RFC3: variants seen among roughly 807,000 people sequenced by gnomAD.
RFC3 encodes the protein replication factor C subunit 3.
RFC3 carries 41 observed loss-of-function variants against 45.1 expected under a neutral mutation model. The ratio of observed to expected loss-of-function variants is 0.91; its 90% CI spans 0.71 to 1.18. The LOEUF (loss-of-function observed/expected upper bound fraction) is 1.18. Among genes scored for constraint, RFC3 ranks in the 50% most tolerant of loss-of-function variants. RFC3 has a pLI of 0.00. For missense variants in RFC3, 423 were observed against 428.1 expected (o/e 0.99, Z 0.10); for synonymous variants, 149 against 144.0 (o/e 1.03, Z -0.25).
intron 8 of RFC3, among the ~76,000 whole-genome samples, chr13:33,888,767 A>G (rs1219489137): frequency 1.4e-5 from 2 of 142,098 alleles, no homozygotes; most frequent in African/African-American, 5.3e-5. Flanking sequence ...TTTTTTTGAG[A>G]TGGAATCTTG....
intron 8 of RFC3, among the ~76,000 whole-genome samples, chr13:33,921,635 C>T (rs971395514): frequency 4.6e-5 from 7 of 152,014 alleles, no homozygotes; most frequent in African/African-American, 1.4e-4. Flanking sequence ...CACTGAGGGT[C>T]CCTGATGGTG....
chr13:33,969,277 C>A (rs2083100877), downstream of RFC3, among the ~76,000 whole-genome samples: 1 of 152,146 alleles, frequency 6.6e-6, no homozygotes, highest in Non-Finnish European at 1.5e-5. Flanking sequence ...AAAGCTAAAG[C>A]AATTAGTTCA....
At chr13:33,959,173 T>G (rs1045386888) in intron 8 of RFC3, among the ~76,000 whole-genome samples, 121 of 152,296 alleles carry the variant, frequency 7.9e-4, no homozygotes, top group African/African-American at 2.8e-3. Flanking sequence ...TCTCTTGTGT[T>G]AAATTCCTCC....
intron 8 of RFC3, chr13:33,965,983 A>G: frequency 1.2e-6 from 1 of 809,074 alleles, no homozygotes; most frequent in South Asian, 1.5e-5. Context: ...CTGAGCCTTA[A>G]ATTACTTTGA....
intron 4 of RFC3, among the ~76,000 whole-genome samples, chr13:33,827,643 C>T (rs2082062966): frequency 6.6e-6 from 1 of 152,054 alleles, no homozygotes; most frequent in East Asian, 1.9e-4. Flanking sequence ...GTTGAATTAA[C>T]CTATTCTTAC....
At chr13:33,932,055 G>C (rs2082855871) in intron 8 of RFC3, among the ~76,000 whole-genome samples, 1 of 152,020 alleles carries the variant, frequency 6.6e-6, no homozygotes, top group Non-Finnish European at 1.5e-5. Context: ...TTCTACAAAT[G>C]CTTACTATGT....
chr13:33,839,877 G>A (rs2082184999), downstream of RFC3, among the ~76,000 whole-genome samples: 1 of 152,136 alleles, frequency 6.6e-6, no homozygotes, highest in Admixed American at 6.5e-5. Flanking sequence ...AAATACAGAT[G>A]GTTTCAAAAT....
At chr13:33,926,529 C>T (rs2082814734) in intron 8 of RFC3, among the ~76,000 whole-genome samples, 1 of 152,034 alleles carries the variant, frequency 6.6e-6, no homozygotes, top group Non-Finnish European at 1.5e-5. Flanking sequence ...AGCCCATTCC[C>T]AGCAGATTTT....
At chr13:33,832,492 T>G (rs1042122635) in intron 7 of RFC3, among the ~76,000 whole-genome samples, 2 of 152,138 alleles carry the variant, frequency 1.3e-5, no homozygotes, top group African/African-American at 4.8e-5. Flanking sequence ...TATAGATTGG[T>G]GGAGGTGGAT....
At chr13:33,872,967 A>G (rs1846537615) in intron 8 of RFC3, among the ~76,000 whole-genome samples, 1 of 152,104 alleles carries the variant, frequency 6.6e-6, no homozygotes, top group Admixed American at 6.5e-5. Flanking sequence ...GAGCCAATTA[A>G]CTTTTAAAGT....
chr13:33,974,249 C>CT, the RFC3 span, among the ~76,000 whole-genome samples: 1 of 152,116 alleles, frequency 6.6e-6, no homozygotes, highest in Non-Finnish European at 1.5e-5. Flanking sequence ...TGATATGCTT[C>CT]TTTTTTTCTT....
chr13:33,915,403 C>G (rs1040516863), intron 8 of RFC3, among the ~76,000 whole-genome samples: 2 of 152,150 alleles, frequency 1.3e-5, no homozygotes, highest in Non-Finnish European at 2.9e-5. Flanking sequence ...CAACCTTGTT[C>G]AGTGCGTGGA....
At chr13:33,911,381 T>C (rs1437233064) in intron 8 of RFC3, among the ~76,000 whole-genome samples, 2 of 152,156 alleles carry the variant, frequency 1.3e-5, no homozygotes, top group Non-Finnish European at 2.9e-5. Context: ...CCATGACTTA[T>C]ACTCTTTCTT....
chr13:33,976,722 A>G, the RFC3 span, among the ~76,000 whole-genome samples: 1 of 152,172 alleles, frequency 6.6e-6, no homozygotes, highest in African/African-American at 2.4e-5. Context: ...GGTTAGAAAA[A>G]TAAAAGGGGG....
chr13:33,858,912 G>A (rs549481194), intron 8 of RFC3, among the ~76,000 whole-genome samples: 4 of 151,954 alleles, frequency 2.6e-5, no homozygotes, highest in African/African-American at 4.8e-5. Context: ...CTGTAGCATC[G>A]CAGTCCCTGA....
chr13:33,951,741 T>G (rs2082992879), intron 8 of RFC3, among the ~76,000 whole-genome samples: 1 of 152,204 alleles, frequency 6.6e-6, no homozygotes, highest in African/African-American at 2.4e-5. Context: ...GTGTTTAATA[T>G]AATAACAAGT....
chr13:33,839,958 G>A (rs1416102244), downstream of RFC3, among the ~76,000 whole-genome samples: 1 of 152,112 alleles, frequency 6.6e-6, no homozygotes, highest in African/African-American at 2.4e-5. Context: ...TCTGGGTTGT[G>A]TTGTTTCTGA....
chr13:33,899,204 C>CAAAAATAAAA (rs2082621800), intron 8 of RFC3, among the ~76,000 whole-genome samples: 1 of 51,968 alleles, frequency 1.9e-5, no homozygotes, highest in Non-Finnish European at 3.6e-5. Flanking sequence ...CACAATAAGA[C>CAAAAATAAAA]AAAAAAAAAA....
At chr13:33,862,571 C>G (rs1210617326) in intron 8 of RFC3, among the ~76,000 whole-genome samples, 1 of 152,010 alleles carries the variant, frequency 6.6e-6, no homozygotes, top group African/African-American at 2.4e-5. Flanking sequence ...CATACACACA[C>G]ATGTCAAAAT....
Sources: gnomAD v4.1 joint callset for allele counts (sites outside exome capture counted in the v4.1 genomes callset) on GRCh38, gnomAD v4.1.1 for gene constraint, MANE v1.5 for transcripts, NCBI Gene and HGNC (gene_info 2026-07-23, HGNC 2026-07-21) for gene names.